The following RTL1 variants were observed in gnomAD, a reference collection of about 807,000 sequenced individuals.
RTL1 encodes the protein retrotransposon-like protein 1.
For missense variants in RTL1, 1,681 were observed against 1,767.5 expected (o/e 0.95, Z 0.88); for synonymous variants, 727 against 748.4 (o/e 0.97, Z 0.47).
intron 3 of RTL1, among the ~76,000 whole-genome samples, chr14:100,889,427 G>T (rs572508311): frequency 6.6e-6 from 1 of 152,052 alleles, no homozygotes; most frequent in Non-Finnish European, 1.5e-5. Context: ...AGTTCTTTTC[G>T]CATGAAACTA....
chr14:100,887,482 G>A (rs1190992676), intron 3 of RTL1, among the ~76,000 whole-genome samples: 2 of 152,104 alleles, frequency 1.3e-5, no homozygotes, highest in African/African-American at 2.4e-5. Flanking sequence ...AGCCAGGCAC[G>A]GTGACTCACA....
chr14:100,891,824 C>T (rs1271640591), intron 3 of RTL1, among the ~76,000 whole-genome samples: 1 of 152,170 alleles, frequency 6.6e-6, no homozygotes, highest in Non-Finnish European at 1.5e-5. Context: ...TGACCTTCCT[C>T]TCCCAGGTCC....
chr14:100,886,579 T>G (rs1471469562), intron 3 of RTL1, among the ~76,000 whole-genome samples: 1 of 152,192 alleles, frequency 6.6e-6, no homozygotes, highest in African/African-American at 2.4e-5. Flanking sequence ...GTATAGGAAT[T>G]ATAAGAATCA....
Position 100,888,744 on chromosome 14 carries a change from T to C in RTL1, c.-86-3870A>G, listed in dbSNP as rs74938285. Among the ~76,000 whole-genome samples, 13 of 152,370 alleles carry C rather than the reference T, an allele frequency of 8.5e-5. No homozygotes were observed. In the East Asian group the frequency reaches 9.6e-4, roughly 11 times the overall value. On this transcript the variant is annotated intron_variant, in intron 3 of 3. Transcript: ENST00000649591. ...TGGCTAAATCAAATTCCTTGGCATA[T>C]GCAACAGTCTAATCATGTTGGAGCC...
intron 3 of RTL1, among the ~76,000 whole-genome samples, chr14:100,892,745 C>T (rs528702696): frequency 1.8e-4 from 28 of 152,116 alleles, no homozygotes; most frequent in African/African-American, 5.5e-4. Context: ...GTGAGGGGTA[C>T]GTGCGGAAGA....
chr14:100,899,556 G>C (rs1206308904), intron 2 of RTL1, among the ~76,000 whole-genome samples: 1 of 152,084 alleles, frequency 6.6e-6, no homozygotes, highest in Non-Finnish European at 1.5e-5. Context: ...GGCAGTGTTT[G>C]GGCTTTTGGT....
Position 100,884,498 on chromosome 14 carries a change from T to G in RTL1, c.291A>C (p.Gln97His). The G allele has an allele frequency of 6.2e-7, 1 of 1,614,194 alleles. No homozygotes were observed. Residue 97 changes from glutamine (Q) to histidine (H), a missense_variant, in exon 4 of 4, where the codon CAA becomes CAC. Coordinates refer to ENST00000649591, the MANE Select transcript of RTL1 (RefSeq NM_001134888.3). ...AACCGTTGCATGACTCCTCCAGGTC[T>G]TGGAGTAGGTCATTGGGTGGATCCT... The part of the protein sequence containing the change: ...EIEDPPNDLL[Q>H]DLEESCNGSH...
Position 100,882,620 on chromosome 14 carries a change from C to A in RTL1, c.2169G>T (p.Met723Ile), listed in dbSNP as rs1207584620. 1.3e-6 allele frequency: 2 copies of A among 1,551,708 alleles called. No homozygotes were observed. Among genetic ancestry groups the A allele is most frequent in the East Asian group, 2.4e-5 (1 of 40,916 alleles). ...CATAAGAAAGCACAAAGAACCCTAG[C>A]ATGTCCTTTAGGATGAAGTGAATCA... ...QNVIHFILKD[M>I]LGFFVLSYGQ... Residue 723 changes from methionine (M) to isoleucine (I), a missense_variant, in exon 4 of 4, where the codon ATG (methionine) becomes ATT (isoleucine). Physicochemically the swap from Met to Ile is conservative, Grantham distance 10. Coordinates refer to ENST00000649591, the MANE Select transcript of RTL1 (RefSeq NM_001134888.3).
intron 3 of RTL1, among the ~76,000 whole-genome samples, chr14:100,889,100 G>T (rs993463975): frequency 1.3e-5 from 2 of 152,072 alleles, no homozygotes; most frequent in African/African-American, 4.8e-5. Flanking sequence ...AAACCCTTTG[G>T]CAAAAATCCA....
chr14:100,903,384 G>A lies in RTL1; in HGVS notation c.-242C>T, dbSNP rs1435650260. ...GGCTTCCTGTCCTCGAAGCTCAGTC[G>A]GTCTGGTGGGGGAAACAAACAGGGA... On this transcript the variant is annotated splice_region_variant and 5_prime_UTR_variant, in exon 2 of 4. Coordinates refer to ENST00000649591, the MANE Select transcript of RTL1 (RefSeq NM_001134888.3). Among the ~76,000 whole-genome samples the A allele has an allele frequency of 6.6e-6, 1 of 152,078 alleles. No homozygotes were observed. The highest frequency in any genetic ancestry group is 1.5e-5 in the Non-Finnish European group (1 of 68,018).
intron 2 of RTL1, among the ~76,000 whole-genome samples, chr14:100,896,597 G>T (rs2038859153): frequency 6.6e-6 from 1 of 151,754 alleles, no homozygotes; most frequent in South Asian, 2.1e-4. Context: ...AGCAGGAGCT[G>T]GGGACAGAGG....
In RTL1 at chr14:100,879,843, C is replaced by G. The variant is rs952845095; in HGVS notation, c.*869G>C. 6.6e-6 allele frequency among the ~76,000 whole-genome samples: 1 copy of G among 151,884 alleles called. No homozygotes were observed. The highest frequency in any genetic ancestry group is 1.5e-5 in the Non-Finnish European group (1 of 67,992). The stretch of plus-strand genomic sequence containing the variant: ...GGAAGGGTCTACTCCCCTTGCAAAG[C>G]GGTGGTGTGGCCAGAGCCTCTCTGT... On this transcript the variant is annotated 3_prime_UTR_variant, in exon 4 of 4. Coordinates refer to ENST00000649591, the MANE Select transcript of RTL1 (RefSeq NM_001134888.3).
chr14:100,903,063 C>A (rs774637260), intron 2 of RTL1, among the ~76,000 whole-genome samples: 1 of 152,214 alleles, frequency 6.6e-6, no homozygotes, highest in Non-Finnish European at 1.5e-5. Context: ...AAATGACATG[C>A]AGAGCCCACA....
chr14:100,883,011 G>T lies in RTL1; in HGVS notation c.1778C>A (p.Ser593Tyr), dbSNP rs867796380. Residue 593 changes from serine (S) to tyrosine (Y), a missense_variant, in exon 4 of 4, where the codon TCT (serine) becomes TAT (tyrosine). Ser to Tyr is a moderately radical substitution (Grantham distance 144). Coordinates refer to ENST00000649591, the MANE Select transcript of RTL1 (RefSeq NM_001134888.3). The surrounding 1 kb of genome is among the most constrained non-coding windows in gnomAD (Gnocchi z 5.9). ...GSDDLSESEP[S>Y]ELQQAGDSDH... is the part of the protein sequence containing the mutation. ...ACTGTCTCCAGCCTGCTGAAGCTCA[G>T]AGGGCTCTGATTCAGAAAGATCATC... 1 of 1,614,064 alleles carries T rather than the reference G, an allele frequency of 6.2e-7. No individual in the cohort carries two copies. Among genetic ancestry groups the T allele is most frequent in the Admixed American group, 1.7e-5 (1 of 60,010 alleles).
intron 2 of RTL1, chr14:100,897,782 G>GGGGGGGGGCGGA (rs2038887536): frequency 1.8e-5 from 3 of 168,950 alleles, no homozygotes; most frequent in African/African-American, 9.3e-5. Context: ...GGGGGGCGGG[G>GGGGGGGGGCGGA]GGGGGCAGTG....
chr14:100,896,769 T>C (rs1181496547), intron 2 of RTL1, among the ~76,000 whole-genome samples: 1 of 152,078 alleles, frequency 6.6e-6, no homozygotes, highest in Admixed American at 6.5e-5. Context: ...CAGTTGTGTG[T>C]TTTGCACAGG....
chr14:100,902,058 C>T (rs1341506482), intron 2 of RTL1, among the ~76,000 whole-genome samples: 1 of 152,238 alleles, frequency 6.6e-6, no homozygotes. Flanking sequence ...AACCGTGCTG[C>T]AGCCTTCTCA....
In RTL1 at chr14:100,883,252, C is replaced by T. The variant is rs1359759781; in HGVS notation, c.1537G>A (p.Ala513Thr). Residue 513 changes from alanine (A) to threonine (T), a missense_variant, in exon 4 of 4, where the codon GCC (alanine) becomes ACC (threonine). Coordinates refer to ENST00000649591, the MANE Select transcript of RTL1 (RefSeq NM_001134888.3). This position sits in a 1 kb window ranked among gnomAD's most constrained non-coding sequence, Gnocchi z 5.9. ...CCTTTGATCCAGTCGACTTCGGGGG[C>T]GTGGACTCGGAGCCAGCGGATGCCT... ...VLGIRWLRVH[A>T]PEVDWIKGRC... 48 of 1,551,210 alleles carry T rather than the reference C, an allele frequency of 3.1e-5. No individual in the cohort carries two copies. Among genetic ancestry groups the T allele is most frequent in the Non-Finnish European group, 4.0e-5 (46 of 1,146,862 alleles).
intron 2 of RTL1, among the ~76,000 whole-genome samples, chr14:100,902,301 G>T (rs1446689498): frequency 6.6e-6 from 1 of 152,166 alleles, no homozygotes; most frequent in Non-Finnish European, 1.5e-5. Flanking sequence ...GTGCTGAATG[G>T]CAATACCCCC....
Sources: allele counts gnomAD v4.1 joint callset (sites outside exome capture counted in the v4.1 genomes callset), GRCh38; gene constraint gnomAD v4.1.1; non-coding constraint Gnocchi (gnomAD v3.1); transcripts MANE v1.5; gene names NCBI Gene and HGNC (gene_info 2026-07-23, HGNC 2026-07-21).